TG: variants seen among roughly 807,000 people sequenced by gnomAD.
TG encodes the protein thyroid hormones.
TG carries 270 observed loss-of-function variants against 324.7 expected under a neutral mutation model. That is an observed-to-expected ratio of 0.83 (90% CI 0.75 to 0.92). The LOEUF (loss-of-function observed/expected upper bound fraction) is 0.92, where lower values mean the gene tolerates loss of function less well. Ranked by LOEUF, TG falls within the 40% of genes least tolerant of loss-of-function variation. The pLI, the probability that TG is intolerant of heterozygous loss-of-function variation, is 0.00. For synonymous variants in TG, 1,401 were observed against 1,327.0 expected (o/e 1.06, Z -1.21); for missense variants, 3,591 against 3,456.4 (o/e 1.04, Z -0.98).
intron 27 of TG, among the ~76,000 whole-genome samples, chr8:132,954,257 AG>A (rs1826534713): frequency 6.6e-6 from 1 of 152,156 alleles, no homozygotes; most frequent in South Asian, 2.1e-4. Flanking sequence ...TCGTTTAAAA[AG>A]GGCCCTACAG....
At chr8:133,091,684 CTG>C (rs994803577) in intron 41 of TG, among the ~76,000 whole-genome samples, 8 of 151,502 alleles carry the variant, frequency 5.3e-5, no homozygotes, top group African/African-American at 1.9e-4. Flanking sequence ...GTCTCTGTGA[CTG>C]TGTGTGTTTG....
At chr8:132,895,882 C>T (rs1047058294) in intron 11 of TG, among the ~76,000 whole-genome samples, 10 of 152,164 alleles carry the variant, frequency 6.6e-5, no homozygotes, top group African/African-American at 2.2e-4. Flanking sequence ...CTTCAGAAGT[C>T]GAGCTGAGAA....
At chr8:132,905,059 T>C (rs1055970899) in intron 16 of TG, among the ~76,000 whole-genome samples, 1 of 152,138 alleles carries the variant, frequency 6.6e-6, no homozygotes, top group African/African-American at 2.4e-5. Context: ...TGGGGAACAT[T>C]ATATGAACTG....
chr8:132,911,428 G>A lies in TG; in HGVS notation c.4054G>A (p.Val1352Met). ...VSIPVCNNSS[V>M]QVGCLTRERL... ...CATTCCTGTCTGCAACAACTCCTCTGTGCAGGTGGGTTGTCTGACCAGGGA... is the reference window on the plus strand; with the variant it reads ...CATTCCTGTCTGCAACAACTCCTCTATGCAGGTGGGTTGTCTGACCAGGGA... Residue 1352 changes from valine to methionine, a missense_variant, in exon 19 of 48, where the codon GTG (valine) becomes ATG (methionine). Val to Met is a conservative substitution (Grantham distance 21, BLOSUM62 1). Transcript: ENST00000220616. The A allele has an allele frequency of 1.2e-6, 2 of 1,614,222 alleles. No homozygotes were observed. Among genetic ancestry groups the A allele is most frequent in the Non-Finnish European group, 1.7e-6 (2 of 1,180,036 alleles).
intron 35 of TG, among the ~76,000 whole-genome samples, chr8:132,983,993 T>G (rs1831218772): frequency 1.3e-5 from 2 of 152,154 alleles, no homozygotes; most frequent in African/African-American, 4.8e-5. Flanking sequence ...CAGCAGAAAG[T>G]GCAGAGAGGT....
Position 133,050,134 on chromosome 8 carries a change from C to A in TG, c.7239+20111C>A, listed in dbSNP as rs75507286. ...TCACTGGCCACGTTAACCCATATTT[C>A]GTCATCTGAAAATTTTCTTTTTAAA... On this transcript the variant is annotated intron_variant, in intron 41 of 47. Coordinates refer to ENST00000220616, the MANE Select transcript of TG (RefSeq NM_003235.5). 2,234 of 668,748 alleles carry A rather than the reference C, an allele frequency of 3.3e-3. 32 individuals are homozygous for A. The highest frequency in any genetic ancestry group is 0.031 in the African/African-American group (1,710 of 55,798). 41.4% of individuals were successfully genotyped at this position (668,748 alleles called of 1,614,324 possible). A position where few individuals can be genotyped will look rare whatever the true frequency, so the allele number is the denominator to read the frequency against.
Position 132,885,158 on chromosome 8 carries a change from A to G in TG, c.1076-1290A>G, listed in dbSNP as rs535698683. On this transcript the variant is annotated intron_variant, in intron 8 of 47. Coordinates refer to ENST00000220616, the MANE Select transcript of TG (RefSeq NM_003235.5). The stretch of plus-strand genomic sequence containing the variant: ...GGGGGGGCGTGGTGGTTAAAAGGTA[A>G]GAGTTATGATTTTATGGAGAAAAAT... 3.2e-4 allele frequency among the ~76,000 whole-genome samples: 48 copies of G among 152,114 alleles called. No homozygotes were observed. In the South Asian group the frequency reaches 3.9e-3, roughly 13 times the overall value.
At position 132,929,146 on chromosome 8, in the gene TG, A is replaced by G. The variant is rs773973654; in HGVS notation, c.4770A>G (p.Arg1590=). 6.2e-7 allele frequency: 1 copy of G among 1,614,160 alleles called. No individual in the cohort carries two copies. The highest frequency in any genetic ancestry group is 8.5e-7 in the Non-Finnish European group (1 of 1,180,026). ...ACGCCAATGCTCCTGTGGCTGTCAGATCCAAAGTTCCTGATTCTGAGTTCC... is the reference window on the plus strand; with the variant it reads ...ACGCCAATGCTCCTGTGGCTGTCAGGTCCAAAGTTCCTGATTCTGAGTTCC... ...IFDANAPVAV[R]SKVPDSEFPV... The change falls in exon 23 of 48, where the codon AGA becomes AGG. Residue 1590 remains arginine, a synonymous_variant. Coordinates refer to ENST00000220616, the MANE Select transcript of TG (RefSeq NM_003235.5).
intron 41 of TG, among the ~76,000 whole-genome samples, chr8:133,034,868 G>A (rs1836941323): frequency 6.6e-6 from 1 of 152,160 alleles, no homozygotes; most frequent in South Asian, 2.1e-4. Context: ...GGGCTTTGCT[G>A]GTAAGGGGCA....
At chr8:133,112,841 A>G (rs1194767207) in intron 43 of TG, among the ~76,000 whole-genome samples, 1 of 152,182 alleles carries the variant, frequency 6.6e-6, no homozygotes, top group African/African-American at 2.4e-5. Flanking sequence ...CTCTGCCACT[A>G]GAACGTGAGC....
At chr8:133,114,430 C>G (rs1850528428) in intron 44 of TG, among the ~76,000 whole-genome samples, 1 of 152,222 alleles carries the variant, frequency 6.6e-6, no homozygotes, top group Non-Finnish European at 1.5e-5. Flanking sequence ...GCCTCCCTCT[C>G]CTAGTACTGC....
Position 132,882,575 on chromosome 8 carries a change from C to T in TG, c.852C>T (p.Phe284=). The change falls in exon 7 of 48, where the codon TTC becomes TTT. Residue 284 remains phenylalanine (F), a synonymous_variant. Coordinates refer to ENST00000220616, the MANE Select transcript of TG (RefSeq NM_003235.5). ...TTLYRILQRR[F]LAVQSVISGR... ...TGTACCGGATACTGCAGAGACGGTT[C>T]CTCGCAGTTCAATCAGTCATCTCTG... is the stretch of plus-strand genomic sequence containing the variant. The T allele has an allele frequency of 6.2e-7, 1 of 1,614,224 alleles. No individual in the cohort carries two copies.
intron 42 of TG, among the ~76,000 whole-genome samples, chr8:133,095,707 G>T (rs1249796733): frequency 1.3e-5 from 2 of 152,198 alleles, no homozygotes; most frequent in African/African-American, 4.8e-5. Context: ...ATCTCTGGCT[G>T]GCCTTCACAT....
chr8:132,896,726 C>T (rs1025785372), intron 11 of TG, among the ~76,000 whole-genome samples: 1 of 152,026 alleles, frequency 6.6e-6, no homozygotes, highest in Non-Finnish European at 1.5e-5. Context: ...TTTTCCCAAT[C>T]GGTGATTTCT....
chr8:132,905,743 C>G (rs758396685), intron 16 of TG, among the ~76,000 whole-genome samples: 1 of 152,016 alleles, frequency 6.6e-6, no homozygotes, highest in Non-Finnish European at 1.5e-5. Context: ...ATTAGAGGTT[C>G]TAACAATTGA....
At chr8:132,887,842 T>C in intron 9 of TG, 142 bp from the exon 10 acceptor site, 1 of 875,522 alleles carries the variant, frequency 1.1e-6, no homozygotes, top group Non-Finnish European at 1.8e-6. Flanking sequence ...ATCTAGATAT[T>C]ATTTACAAAT....
rs142748672 is a variant in TG at position 132,928,325 on chromosome 8, T to G, written c.4700-751T>G. 7.4e-4 allele frequency among the ~76,000 whole-genome samples: 113 copies of G among 152,358 alleles called. 1 individual carries two copies. Among genetic ancestry groups the G allele is most frequent in the Middle Eastern group, 6.8e-3 (2 of 294 alleles). ...TGCCTTTGAGGTTGTACATAAGTTT[T>G]TCTTTTTGACAGTTACCCGTAAGAC... On this transcript the variant is annotated intron_variant, in intron 22 of 47. Coordinates refer to ENST00000220616, the MANE Select transcript of TG (RefSeq NM_003235.5).
chr8:132,961,010 C>A lies in TG; in HGVS notation c.5404C>A (p.Leu1802Met), dbSNP rs777433572. ...AAAATAAACATCTTCCTTTGCAGGT[C>A]TGACACCCTTAGAAGGAACTCAAGA... ...RLGDQEFIKS[L>M]TPLEGTQDTF... Residue 1802 changes from leucine to methionine, a missense_variant and splice_region_variant, in exon 28 of 48, where the codon CTG (leucine) becomes ATG (methionine). Coordinates refer to ENST00000220616, the MANE Select transcript of TG (RefSeq NM_003235.5). 4 of 1,614,022 alleles carry A rather than the reference C, an allele frequency of 2.5e-6. No homozygotes were observed. The Admixed American group carries it at 6.7e-5, about 27-fold the overall frequency.
intron 43 of TG, among the ~76,000 whole-genome samples, chr8:133,107,980 T>TCTTTTTCTTTTCC (rs1374535699): frequency 0.23 from 30,143 of 128,792 alleles, 3,835 homozygotes; most frequent in South Asian, 0.29. Flanking sequence ...TTTTCTTTTC[T>TCTTTTTCTTTTCC]TCTTTTTTTT....
Sources: allele counts gnomAD v4.1 joint callset (sites outside exome capture counted in the v4.1 genomes callset), GRCh38; gene constraint gnomAD v4.1.1; transcripts MANE v1.5; gene names NCBI Gene and HGNC (gene_info 2026-07-23, HGNC 2026-07-21).